The following NDRG4 variants were observed in gnomAD, a reference collection of about 807,000 sequenced individuals.
The protein encoded by NDRG4 is protein NDRG4.
A neutral mutation model predicts 55.8 loss-of-function variants in NDRG4; 38 were observed. The observed-to-expected ratio is 0.68, with a 90% CI of 0.53 to 0.89. NDRG4 has a LOEUF of 0.89. Ranked by LOEUF, NDRG4 falls within the 40% of genes least tolerant of loss-of-function variation. The pLI, the probability that NDRG4 is intolerant of heterozygous loss-of-function variation, is 0.00. For synonymous variants in NDRG4, 190 were observed against 182.7 expected (o/e 1.04, Z -0.32); for missense variants, 455 against 468.6 (o/e 0.97, Z 0.27).
intron 5 of NDRG4, chr16:58,505,977 C>T (rs900926889): frequency 3.4e-5 from 11 of 318,952 alleles, no homozygotes; most frequent in Non-Finnish European, 5.3e-5. Context: ...CCGCCTTGGC[C>T]TCCCAAAGTG....
intron 2 of NDRG4, among the ~76,000 whole-genome samples, chr16:58,492,993 T>A (rs2035979063): frequency 6.6e-6 from 1 of 152,120 alleles, no homozygotes; most frequent in Non-Finnish European, 1.5e-5. Flanking sequence ...TATGTGACAG[T>A]CGCAGGCAGC....
Position 58,512,090 on chromosome 16 carries a change from G to C in NDRG4, c.*514G>C. ...GGACAACAGCCACAAGGGGGCGCTC[G>C]GACCAGGCAGCCACTTTCCTGGTGC... On this transcript the variant is annotated 3_prime_UTR_variant, in exon 15 of 15. Coordinates refer to ENST00000570248, the MANE Select transcript of NDRG4 (RefSeq NM_001242835.2). 2.2e-6 allele frequency: 1 copy of C among 456,752 alleles called. No individual in the cohort carries two copies. The highest frequency in any genetic ancestry group is 4.4e-6 in the Non-Finnish European group (1 of 226,994). 28.3% of individuals were successfully genotyped at this position (456,752 alleles called of 1,614,324 possible).
At chr16:58,506,711 T>G in intron 7 of NDRG4, 97 bp downstream of exon 7, 1 of 1,390,038 alleles carries the variant, frequency 7.2e-7, no homozygotes, top group Non-Finnish European at 9.9e-7. Context: ...GCATCTGACC[T>G]GGCTCACTCC....
chr16:58,483,203 T>C (rs541198980), intron 1 of NDRG4, among the ~76,000 whole-genome samples: 62 of 152,278 alleles, frequency 4.1e-4, no homozygotes, highest in African/African-American at 1.4e-3. Context: ...TTTAAGCATT[T>C]ATGGGATAGT....
intron 1 of NDRG4, among the ~76,000 whole-genome samples, chr16:58,468,828 C>T (rs925947964): frequency 1.3e-5 from 2 of 152,134 alleles, no homozygotes; most frequent in African/African-American, 2.4e-5. Flanking sequence ...CTGGTGCCTT[C>T]GGTAGCCGGA....
rs777667520 is a variant in NDRG4 at position 58,507,954 on chromosome 16, C to T, written c.684C>T (p.Pro228=). ...TTTTCCTCTGTATCTGCAGCTGCCC[C>T]GTGATGCTGGTGGTTGGGGATAATG... is the stretch of plus-strand genomic sequence containing the variant. ...TVPNAKTLRC[P]VMLVVGDNAP... The change falls in exon 10 of 15, where the codon CCC becomes CCT. Residue 228 remains proline, a synonymous_variant. Transcript: ENST00000570248. 4.4e-6 allele frequency: 7 copies of T among 1,604,716 alleles called. No homozygotes were observed. The highest frequency in any genetic ancestry group is 2.2e-5 in the East Asian group (1 of 44,672).
intron 1 of NDRG4, among the ~76,000 whole-genome samples, chr16:58,478,699 T>TTTG (rs1555528526): frequency 5.5e-5 from 8 of 144,844 alleles, no homozygotes; most frequent in Non-Finnish European, 1.0e-4. Context: ...TGTTTTTTGT[T>TTTG]TTTTTTTTTT....
chr16:58,489,643 G>A (rs899301722), intron 2 of NDRG4, among the ~76,000 whole-genome samples: 1 of 152,008 alleles, frequency 6.6e-6, no homozygotes, highest in African/African-American at 2.4e-5. Flanking sequence ...CCAGGACAGA[G>A]ATCTGTTCTG....
rs1299964083 is a variant in NDRG4, at chr16:58,464,966, C to CCCTCAGCCTTGGGGCT, written c.-24+1174_-24+1189dup. Reference sequence around the variant, plus strand: ...CAGATTGGACCCTACTGACTGGGGACCCTCAGCCTTGGGGCTCCTCTGGAG... The same window carrying CCCTCAGCCTTGGGGCT: ...CAGATTGGACCCTACTGACTGGGGACCCTCAGCCTTGGGGCTCCTCAGCCTTGGGGCTCCTCTGGAG... On this transcript the variant is annotated intron_variant, in intron 1 of 15. Coordinates refer to the NDRG4 transcript ENST00000258187. This position sits in a 1 kb window ranked among gnomAD's most constrained non-coding sequence, Gnocchi z 4.8. 1 of 1,195,842 alleles carries CCCTCAGCCTTGGGGCT rather than the reference C, an allele frequency of 8.4e-7. No homozygotes were observed. The highest frequency in any genetic ancestry group is 1.6e-5 in the African/African-American group (1 of 62,748). The allele number at this position is 1,195,842 out of a possible 1,614,324, so 74.1% of individuals were successfully genotyped here.
rs1348437614 is a variant in NDRG4 at position 58,513,309 on chromosome 16, T to C, written c.*1733T>C. The C allele has an allele frequency of 1.3e-5, 2 of 152,232 alleles. No individual in the cohort carries two copies. Among genetic ancestry groups the C allele is most frequent in the African/African-American group, 2.4e-5 (1 of 41,428 alleles). The allele number at this position is 152,232 out of a possible 1,614,324, so 9.4% of individuals were successfully genotyped here. A position where few individuals can be genotyped will look rare whatever the true frequency, so the allele number is the denominator to read the frequency against. ...GCACAAAGTAAAGAGCCTAATTTTG[T>C]GTATTCTGGTGGCTGCTGTCATGAG... On this transcript the variant is annotated 3_prime_UTR_variant, in exon 15 of 15. Transcript: ENST00000570248.
At chr16:58,498,800 G>A (rs2036700983), upstream of NDRG4, among the ~76,000 whole-genome samples, 2 of 152,162 alleles carry the variant, frequency 1.3e-5, no homozygotes, top group Non-Finnish European at 2.9e-5. Context: ...CAGTTGTGCA[G>A]TTATCGTGGC....
intron 1 of NDRG4, chr16:58,475,604 A>G (rs986190913): frequency 8.8e-6 from 4 of 455,854 alleles, no homozygotes; most frequent in Non-Finnish European, 1.8e-5. Context: ...TTTCTCTCTC[A>G]TAACCAGGAT....
intron 2 of NDRG4, chr16:58,487,931 GCAGCCGACCCTCCCTAGGGCCAGCCACA>G: frequency 9.0e-7 from 1 of 1,110,092 alleles, no homozygotes; most frequent in African/African-American, 1.6e-5. Flanking sequence ...TGCCTTTCCT[GCAGCCGACCCTCCCTAGGGCCAGCCACA>G]CCGAGAAGCC....
chr16:58,467,589 T>C (rs1375940848), intron 1 of NDRG4, among the ~76,000 whole-genome samples: 1 of 152,218 alleles, frequency 6.6e-6, no homozygotes, highest in Non-Finnish European at 1.5e-5. Context: ...GTGAAGTCAG[T>C]GACTTCCTCA....
At chr16:58,478,697 G>GTTTTTTTTTTTTTTTTGTTT (rs59525801) in intron 1 of NDRG4, among the ~76,000 whole-genome samples, 4 of 137,754 alleles carry the variant, frequency 2.9e-5, no homozygotes, top group East Asian at 2.1e-4. Context: ...TTTGTTTTTT[G>GTTTTTTTTTTTTTTTTGTTT]TTTTTTTTTT....
intron 1 of NDRG4, chr16:58,487,717 C>T (rs1341895343): frequency 1.4e-6 from 2 of 1,447,332 alleles, no homozygotes; most frequent in African/African-American, 1.4e-5. Context: ...CCCGGGCGTC[C>T]CCGCCGCAGC....
chr16:58,500,995 A>G (rs2037010770), intron 1 of NDRG4: 2 of 1,244,956 alleles, frequency 1.6e-6, no homozygotes, highest in African/African-American at 1.6e-5. Flanking sequence ...TAGGTGGGGG[A>G]AGGCAACGCT....
chr16:58,501,293 C>G, intron 1 of NDRG4: 1 of 390,220 alleles, frequency 2.6e-6, no homozygotes, highest in Non-Finnish European at 4.5e-6. Flanking sequence ...AGCACCAACT[C>G]CCACACCGGC....
intron 1 of NDRG4, among the ~76,000 whole-genome samples, chr16:58,482,715 T>TCCTC (rs199926068): frequency 3.8e-5 from 4 of 106,054 alleles, no homozygotes; most frequent in African/African-American, 9.9e-5. Context: ...CTCCTTTCCT[T>TCCTC]CCTCCCTCCC....
Sources: allele counts gnomAD v4.1 joint callset (sites outside exome capture counted in the v4.1 genomes callset), GRCh38; gene constraint gnomAD v4.1.1; non-coding constraint Gnocchi (gnomAD v3.1); transcripts MANE v1.5; gene names NCBI Gene and HGNC (gene_info 2026-07-23, HGNC 2026-07-21).